The following TRIM38 variants were observed in gnomAD, a reference collection of about 807,000 sequenced individuals.
TRIM38 encodes E3 ubiquitin-protein ligase TRIM38.
TRIM38 carries 35 observed loss-of-function variants against 35.8 expected under a neutral mutation model. The observed-to-expected ratio is 0.98, with a 90% CI of 0.75 to 1.30. The LOEUF (loss-of-function observed/expected upper bound fraction) is 1.30, where lower values mean the gene tolerates loss of function less well. Among genes scored for constraint, TRIM38 ranks in the 50% most tolerant of loss-of-function variants. The pLI is 0.00. For synonymous variants in TRIM38, 198 were observed against 204.7 expected, an observed-to-expected ratio of 0.97 and a Z score of 0.28; for missense variants, 545 against 556.9, an observed-to-expected ratio of 0.98 and a Z score of 0.21.
Position 25,966,793 on chromosome 6 carries a change from A to G in TRIM38, c.271A>G (p.Met91Val). The G allele has an allele frequency of 6.2e-7, 1 of 1,614,226 alleles. No homozygotes were observed. Among genetic ancestry groups the G allele is most frequent in the South Asian group, 1.1e-5 (1 of 91,090 alleles). ...IEALKETDQE[M>V]SCEEHGEQFH... ...AGCCCTCAAAGAGACGGATCAAGAA[A>G]TGTCATGTGAGGAACACGGAGAGCA... The change falls in exon 3 of 8, where the codon ATG becomes GTG. Residue 91 changes from methionine to valine, a missense_variant. Physicochemically the swap from Met to Val is conservative, Grantham distance 21. Transcript: ENST00000357085.
At position 25,973,284 on chromosome 6, in the gene TRIM38, A is replaced by C. The variant is rs1487611449; in HGVS notation, c.873A>C (p.Gln291His). 6.2e-7 allele frequency: 1 copy of C among 1,613,134 alleles called. No individual in the cohort carries two copies. The highest frequency in any genetic ancestry group is 1.3e-5 in the African/African-American group (1 of 75,014). Residue 291 changes from glutamine (Q) to histidine (H), a missense_variant and splice_region_variant, in exon 7 of 8, where the codon CAA becomes CAC. Gln to His is a conservative substitution (Grantham distance 24). Coordinates refer to ENST00000357085, the MANE Select transcript of TRIM38 (RefSeq NM_006355.5). ...TGAAGAAAATGTTAAGGAGTCATCA[A>C]GGTATGTTCACTAAAGAATTCCTGA... ...FDVKKMLRSHQVSVTLDPDTA... is the reference protein window; with the variant it reads ...FDVKKMLRSHHVSVTLDPDTA...
In TRIM38 at chr6:25,966,738, A is replaced by G. The variant is rs769747367; in HGVS notation, c.216A>G (p.Arg72=). Residue 72 remains arginine (R), a synonymous_variant, in exon 3 of 8, where the codon CGA becomes CGG. Coordinates refer to ENST00000357085, the MANE Select transcript of TRIM38 (RefSeq NM_006355.5). ...CRAPFHMDSL[R]PNKQLGSLIE... ...CTCCATTTCATATGGATAGCCTCCG[A>G]CCCAACAAGCAGCTGGGAAGCCTCA... The G allele has an allele frequency of 1.9e-6, 3 of 1,614,088 alleles. No individual in the cohort carries two copies. In the South Asian group the frequency reaches 3.3e-5, roughly 18 times the overall value.
chr6:25,972,904 C>A, intron 5 of TRIM38, 150 bp from the exon 6 acceptor site: 2 of 959,654 alleles, frequency 2.1e-6, no homozygotes, highest in Non-Finnish European at 3.1e-6. Flanking sequence ...GTGGGAATTA[C>A]TTTGTTTGAG....
chr6:25,982,381 C>T (rs920437359), intron 7 of TRIM38, among the ~76,000 whole-genome samples: 5 of 152,228 alleles, frequency 3.3e-5, no homozygotes, highest in Non-Finnish European at 4.4e-5. Context: ...ACCCTCACGT[C>T]CTCACCACCT....
intron 2 of TRIM38, among the ~76,000 whole-genome samples, chr6:25,964,746 C>T (rs1759964298): frequency 6.6e-6 from 1 of 152,040 alleles, no homozygotes; most frequent in Admixed American, 6.6e-5. Context: ...TCAATGGAAT[C>T]TGTCACAGAT....
chr6:25,983,749 G>T lies in TRIM38; in HGVS notation c.*62G>T, dbSNP rs1760637837. On this transcript the variant is annotated 3_prime_UTR_variant, in exon 8 of 8. Coordinates refer to ENST00000357085, the MANE Select transcript of TRIM38 (RefSeq NM_006355.5). ...GAGAAAATAATATAAATCCCATAAGGGCAGACGTTTGGTCTGTTTTCTTCG... is the reference window on the plus strand; with the variant it reads ...GAGAAAATAATATAAATCCCATAAGTGCAGACGTTTGGTCTGTTTTCTTCG... The T allele has an allele frequency of 6.9e-7, 1 of 1,445,838 alleles. No individual in the cohort carries two copies. Among genetic ancestry groups the T allele is most frequent in the African/African-American group, 1.4e-5 (1 of 70,330 alleles). 89.6% of individuals were successfully genotyped at this position (1,445,838 alleles called of 1,614,324 possible).
chr6:25,981,041 A>C (rs1313240159), intron 7 of TRIM38, among the ~76,000 whole-genome samples: 7 of 152,248 alleles, frequency 4.6e-5, no homozygotes, highest in Admixed American at 4.6e-4. Flanking sequence ...GTATTTACAA[A>C]GGTGAGGAGT....
At chr6:25,979,086 T>C (rs1403456424) in intron 7 of TRIM38, among the ~76,000 whole-genome samples, 1 of 152,030 alleles carries the variant, frequency 6.6e-6, no homozygotes, top group Non-Finnish European at 1.5e-5. Flanking sequence ...ACTATACATA[T>C]ATAATATGTA....
intron 2 of TRIM38, among the ~76,000 whole-genome samples, chr6:25,965,064 C>T (rs958053457): frequency 9.2e-5 from 14 of 152,150 alleles, no homozygotes; most frequent in Admixed American, 1.3e-4. Context: ...CTGCCCGCCT[C>T]GGCTTCCCAA....
At chr6:25,972,216 T>C (rs1003854609) in intron 5 of TRIM38, 117 bp downstream of exon 5, 2 of 914,126 alleles carry the variant, frequency 2.2e-6, no homozygotes, top group African/African-American at 3.3e-5. Flanking sequence ...ATCAGTGCCA[T>C]CAGGCTGGCC....
intron 2 of TRIM38, 136 bp from the exon 3 acceptor site, chr6:25,966,199 T>C (rs1760035555): frequency 4.1e-6 from 1 of 241,172 alleles, no homozygotes; most frequent in Non-Finnish European, 8.0e-6. Context: ...ACTTTAAAAC[T>C]GCTTTAAAAC....
Position 25,972,032 on chromosome 6 carries a change from A to G in TRIM38, c.671A>G (p.Asn224Ser), listed in dbSNP as rs375296317. Residue 224 changes from asparagine (N) to serine (S), a missense_variant, in exon 5 of 8, where the codon AAT becomes AGT. Asn to Ser is a conservative substitution (Grantham distance 46, BLOSUM62 1). Coordinates refer to ENST00000357085, the MANE Select transcript of TRIM38 (RefSeq NM_006355.5). ...DYEAGLGLKS[N>S]ELKSHILELE... The stretch of plus-strand genomic sequence containing the variant: ...GAGGCTGGTCTGGGGCTGAAGAGCA[A>G]TGAACTCAAGAGCCACATCCTGGAA... The G allele has an allele frequency of 4.3e-6, 7 of 1,614,068 alleles. No homozygotes were observed. The highest frequency in any genetic ancestry group is 2.7e-5 in the African/African-American group (2 of 74,930).
Position 25,984,273 on chromosome 6 carries a change from A to T in TRIM38, c.*586A>T, listed in dbSNP as rs1010450256. ...GCTTACAATGAGATGCTTCAAATGA[A>T]AAGGGAATTATGAGTAAAATTGAAC... On this transcript the variant is annotated 3_prime_UTR_variant, in exon 8 of 8. Transcript: ENST00000357085. 1 of 152,352 alleles carries T rather than the reference A, an allele frequency of 6.6e-6. No individual in the cohort carries two copies. The highest frequency in any genetic ancestry group is 2.4e-5 in the African/African-American group (1 of 41,444). The allele number at this position is 152,352 out of a possible 1,614,324, so 9.4% of individuals were successfully genotyped here. A position where few individuals can be genotyped will look rare whatever the true frequency, so the allele number is the denominator to read the frequency against.
At chr6:25,970,619 T>G (rs1374424979) in intron 4 of TRIM38, among the ~76,000 whole-genome samples, 6 of 152,194 alleles carry the variant, frequency 3.9e-5, no homozygotes, top group African/African-American at 1.4e-4. Flanking sequence ...CTAACATATA[T>G]GAAAACCCGT....
At chr6:25,962,923 T>G (rs1272462287) in intron 1 of TRIM38, 68 bp downstream of exon 1, 1 of 152,418 alleles carries the variant, frequency 6.6e-6, no homozygotes, top group Non-Finnish European at 1.5e-5. Flanking sequence ...GATATGTGAG[T>G]GTGTACTGAT....
In TRIM38 at chr6:25,988,218, C is replaced by G. The variant is rs1437443390; in HGVS notation, c.*4531C>G. 6.6e-6 allele frequency: 1 copy of G among 152,184 alleles called. No individual in the cohort carries two copies. Among genetic ancestry groups the G allele is most frequent in the African/African-American group, 2.4e-5 (1 of 41,444 alleles). 9.4% of individuals were successfully genotyped at this position (152,184 alleles called of 1,614,324 possible). ...ACTGCCCCTGAGCTGCTACTCTGGG[C>G]ACATTACTTATGGGTTAGCCCTGCT... On this transcript the variant is annotated 3_prime_UTR_variant, in exon 8 of 8. Transcript: ENST00000357085.
rs1760801661 is a variant in TRIM38 at position 25,989,985 on chromosome 6, T to G, written c.*6298T>G. 6.6e-6 allele frequency: 1 copy of G among 151,656 alleles called. No individual in the cohort carries two copies. The highest frequency in any genetic ancestry group is 2.4e-5 in the African/African-American group (1 of 41,390). The allele number at this position is 151,656 out of a possible 1,614,324, so 9.4% of individuals were successfully genotyped here. A position where few individuals can be genotyped will look rare whatever the true frequency, so the allele number is the denominator to read the frequency against. On this transcript the variant is annotated 3_prime_UTR_variant, in exon 8 of 8. Coordinates refer to ENST00000357085, the MANE Select transcript of TRIM38 (RefSeq NM_006355.5). ...ACTATGTATTTGCAGAAAATGGCTT[T>G]CAATATTGTCTACTTTATCATCCTT...
At chr6:25,964,628 G>C (rs1759959561) in intron 2 of TRIM38, among the ~76,000 whole-genome samples, 1 of 152,140 alleles carries the variant, frequency 6.6e-6, no homozygotes. Flanking sequence ...TCTTTATGTA[G>C]ATAGGGGAAA....
At chr6:25,969,286 C>T in intron 3 of TRIM38, 39 bp from the exon 4 acceptor site, 1 of 1,517,102 alleles carries the variant, frequency 6.6e-7, no homozygotes, top group Non-Finnish European at 9.1e-7. Context: ...AATGAAGAGT[C>T]AAATTGAATA....
Sources: gnomAD v4.1 joint callset for allele counts (sites outside exome capture counted in the v4.1 genomes callset) on GRCh38, gnomAD v4.1.1 for gene constraint, MANE v1.5 for transcripts, NCBI Gene and HGNC (gene_info 2026-07-23, HGNC 2026-07-21) for gene names.